Variants in ABHD17A observed in about 807,000 individuals in gnomAD.
ABHD17A encodes the protein abhydrolase domain containing 17A, depalmitoylase.
ABHD17A carries 10 observed loss-of-function variants against 26.8 expected under a neutral mutation model. The ratio of observed to expected loss-of-function variants is 0.37; its 90% CI spans 0.23 to 0.63. The LOEUF is 0.63. ABHD17A is among the 30% of genes least tolerant of loss of function. The pLI is 0.61. For synonymous variants in ABHD17A, 167 were observed against 210.9 expected (o/e 0.79, Z 1.80); for missense variants, 292 against 457.3 (o/e 0.64, Z 3.30).
Position 1,880,825 on chromosome 19 carries a change from C to T in ABHD17A, c.332+410G>A. On this transcript the variant is annotated intron_variant, in intron 2 of 4. Coordinates refer to ENST00000292577, the MANE Select transcript of ABHD17A (RefSeq NM_001130111.2). The surrounding 1 kb of genome is among the most constrained non-coding windows in gnomAD (Gnocchi z 4.1). ...CCATGGACTGCTTCCTCCAGTTCCC[C>T]CAGGCCCCCACCTAGCCCAGCCAGA... is the stretch of plus-strand genomic sequence containing the variant. 1 of 1,587,706 alleles carries T rather than the reference C, an allele frequency of 6.3e-7. No homozygotes were observed.
intron 1 of ABHD17A, among the ~76,000 whole-genome samples, chr19:1,884,738 T>C (rs2012629726): frequency 6.6e-6 from 1 of 151,618 alleles, no homozygotes; most frequent in Non-Finnish European, 1.5e-5. Context: ...GAGGAAGAAG[T>C]GAGCAGAAGG....
In ABHD17A at chr19:1,880,785, GC is replaced by G; in HGVS notation, c.332+449del. 1 of 1,476,184 alleles carries G rather than the reference GC, an allele frequency of 6.8e-7. No individual in the cohort carries two copies. The highest frequency in any genetic ancestry group is 9.1e-7 in the Non-Finnish European group (1 of 1,092,904). The allele number at this position is 1,476,184 out of a possible 1,614,324, so 91.4% of individuals were successfully genotyped here. ...CCCCAGGTGGTGCCAGGAGCAGGTG[GC>G]CAGGCTGGCCCTGCCATGGACTGCT... On this transcript the variant is annotated intron_variant, in intron 2 of 4. Coordinates refer to ENST00000292577, the MANE Select transcript of ABHD17A (RefSeq NM_001130111.2). The surrounding 1 kb of genome is among the most constrained non-coding windows in gnomAD (Gnocchi z 4.1).
rs1457202561 is a variant in ABHD17A at position 1,881,445 on chromosome 19, G to A, written c.122C>T (p.Pro41Leu). The A allele has an allele frequency of 1.9e-6, 3 of 1,602,834 alleles. No individual in the cohort carries two copies. The highest frequency in any genetic ancestry group is 2.5e-6 in the Non-Finnish European group (3 of 1,178,336). Residue 41 changes from proline (P) to leucine (L), a missense_variant, in exon 2 of 5, where the codon CCC becomes CTC. By Grantham distance (98) the Pro-to-Leu change is moderately conservative. Coordinates refer to ENST00000292577, the MANE Select transcript of ABHD17A (RefSeq NM_001130111.2). ...PEATYSLVPE[P>L]EPGPGGAGAA... ...CCCGGCCCCACCAGGCCCCGGCTCG[G>A]GCTCAGGCACCAGGGAGTAGGTGGC...
At position 1,877,180 on chromosome 19, in the gene ABHD17A, C is replaced by G. The variant is rs771040886; in HGVS notation, c.*20G>C. 6 of 1,411,396 alleles carry G rather than the reference C, an allele frequency of 4.3e-6. No individual in the cohort carries two copies. The highest frequency in any genetic ancestry group is 2.4e-5 in the East Asian group (1 of 41,212). 87.4% of individuals were successfully genotyped at this position (1,411,396 alleles called of 1,614,324 possible). The stretch of plus-strand genomic sequence containing the variant: ...CCGGGGGCCGCCTTATTGCTGAGGT[C>G]CGGCCGGTTGGGGCCGCCGCTAGGC... On this transcript the variant is annotated 3_prime_UTR_variant, in exon 5 of 5. Transcript: ENST00000292577.
At position 1,877,375 on chromosome 19, in the gene ABHD17A, G is replaced by A. The variant is rs747578605; in HGVS notation, c.758C>T (p.Thr253Met). The change falls in exon 5 of 5, where the codon ACG (threonine) becomes ATG (methionine). Residue 253 changes from threonine to methionine, a missense_variant. Thr to Met is a moderately conservative substitution (Grantham distance 81). Transcript: ENST00000292577. ...ITSPVLIIHG[T>M]EDEVIDFSHG... ...CGAGAAGTCGATCACCTCGTCCTCC[G>A]TGCCGTGGATGATGAGCACGGGAGA... The A allele has an allele frequency of 6.4e-7, 1 of 1,556,780 alleles. No homozygotes were observed. The highest frequency in any genetic ancestry group is 2.3e-5 in the East Asian group (1 of 43,176).
Position 1,877,722 on chromosome 19 carries a change from C to T in ABHD17A, c.528-35G>A, listed in dbSNP as rs370322839. 1.6e-3 allele frequency: 2,557 copies of T among 1,582,564 alleles called. 7 individuals are homozygous for T. The African/African-American group carries it at 0.031, about 19-fold the overall frequency. On this transcript the variant is annotated intron_variant, in intron 3 of 4. Transcript: ENST00000292577. ...CCGGAGCAGGGTCAGCCGCGGCCTCCGACGCGCGCGCACCCTTCCCACCAG... is the reference window on the plus strand; with the variant it reads ...CCGGAGCAGGGTCAGCCGCGGCCTCTGACGCGCGCGCACCCTTCCCACCAG...
In ABHD17A at chr19:1,876,880, G is replaced by A; in HGVS notation, c.*320C>T. 1 of 408,148 alleles carries A rather than the reference G, an allele frequency of 2.5e-6. No individual in the cohort carries two copies. The highest frequency in any genetic ancestry group is 7.5e-4 in the Middle Eastern group (1 of 1,328). The allele number at this position is 408,148 out of a possible 1,614,324, so 25.3% of individuals were successfully genotyped here. A position where few individuals can be genotyped will look rare whatever the true frequency, so the allele number is the denominator to read the frequency against. On this transcript the variant is annotated 3_prime_UTR_variant, in exon 5 of 5. Coordinates refer to ENST00000292577, the MANE Select transcript of ABHD17A (RefSeq NM_001130111.2). ...GGGGGTCCGTGCCGATCTCTCCTAG[G>A]GACTCAGGGACGAAACCTGGGAACC...
Position 1,881,598 on chromosome 19 carries a change from G to A in ABHD17A, c.-32C>T, listed in dbSNP as rs1312570614. On this transcript the variant is annotated 5_prime_UTR_variant, in exon 2 of 5. Transcript: ENST00000292577. The stretch of plus-strand genomic sequence containing the variant: ...CGCCGCCCAGGCCGGGCCTCCACCG[G>A]GGCCCCCGCCAACAACGCCGCCCGG... 1 of 1,518,294 alleles carries A rather than the reference G, an allele frequency of 6.6e-7. No individual in the cohort carries two copies. Among genetic ancestry groups the A allele is most frequent in the Non-Finnish European group, 8.7e-7 (1 of 1,142,878 alleles). The allele number at this position is 1,518,294 out of a possible 1,614,324, so 94.1% of individuals were successfully genotyped here.
Position 1,876,935 on chromosome 19 carries a change from CGA to C in ABHD17A, c.*263_*264del, listed in dbSNP as rs113128073. On this transcript the variant is annotated 3_prime_UTR_variant, in exon 5 of 5. Transcript: ENST00000292577. ...CCCCCTTTCGAGCTCGCTGAGCGCT[CGA>C]GAGAGTGAGCAGAGCCATGAAAGGA... 7 of 500,616 alleles carry C rather than the reference CGA, an allele frequency of 1.4e-5. No individual in the cohort carries two copies. Among genetic ancestry groups the C allele is most frequent in the South Asian group, 2.1e-5 (1 of 46,710 alleles). The allele number at this position is 500,616 out of a possible 1,614,324, so 31.0% of individuals were successfully genotyped here.
intron 2 of ABHD17A, 97 bp downstream of exon 2, chr19:1,881,138 C>T (rs1274897797): frequency 6.4e-7 from 1 of 1,561,870 alleles, no homozygotes; most frequent in East Asian, 2.3e-5. Flanking sequence ...CAGGCTCGGG[C>T]CCTCGGGGGC....
chr19:1,880,159 G>A lies in ABHD17A; in HGVS notation c.333-44C>T, dbSNP rs528105267. 20 of 1,602,998 alleles carry A rather than the reference G, an allele frequency of 1.2e-5. 1 individual carries two copies. Among genetic ancestry groups the A allele is most frequent in the Admixed American group, 6.7e-5 (4 of 59,262 alleles). ...GGCCGTTCACATCCTCGCTCCCAGC[G>A]CCCAGCTGCAGGGCAGGAGGATGCG... On this transcript the variant is annotated intron_variant, in intron 2 of 4. Coordinates refer to ENST00000292577, the MANE Select transcript of ABHD17A (RefSeq NM_001130111.2). The surrounding 1 kb of genome is among the most constrained non-coding windows in gnomAD (Gnocchi z 4.1).
At position 1,877,157 on chromosome 19, in the gene ABHD17A, G is replaced by C. The variant is rs1157560113; in HGVS notation, c.*43C>G. 1.4e-6 allele frequency: 2 copies of C among 1,425,284 alleles called. No homozygotes were observed. The highest frequency in any genetic ancestry group is 2.4e-5 in the East Asian group (1 of 41,320). 88.3% of individuals were successfully genotyped at this position (1,425,284 alleles called of 1,614,324 possible). A position where few individuals can be genotyped will look rare whatever the true frequency, so the allele number is the denominator to read the frequency against. On this transcript the variant is annotated 3_prime_UTR_variant, in exon 5 of 5. Coordinates refer to ENST00000292577, the MANE Select transcript of ABHD17A (RefSeq NM_001130111.2). ...TGGGGGCCGGCGCGGGGTGAGGTCC[G>C]GGGGCCGCCTTATTGCTGAGGTCCG...
rs1170209450 is a variant in ABHD17A, at chr19:1,879,433, G to C, written c.527+488C>G. On this transcript the variant is annotated intron_variant, in intron 3 of 4. Transcript: ENST00000292577. The surrounding 1 kb of genome is among the most constrained non-coding windows in gnomAD (Gnocchi z 7.6). ...GCCCAGACCTCGGATGTGTGCTGCG[G>C]GTCTGCACCTTACCCTGTAGGCCCT... 1.4e-4 allele frequency: 29 copies of C among 214,336 alleles called. No individual in the cohort carries two copies. Among genetic ancestry groups the C allele is most frequent in the Non-Finnish European group, 2.2e-4 (23 of 104,890 alleles). 13.3% of individuals were successfully genotyped at this position (214,336 alleles called of 1,614,324 possible). A position where few individuals can be genotyped will look rare whatever the true frequency, so the allele number is the denominator to read the frequency against.
Position 1,880,759 on chromosome 19 carries a change from G to A in ABHD17A, c.332+476C>T, listed in dbSNP as rs1414673732. 2 of 1,294,352 alleles carry A rather than the reference G, an allele frequency of 1.5e-6. No homozygotes were observed. The highest frequency in any genetic ancestry group is 2.1e-6 in the Non-Finnish European group (2 of 942,520). 80.2% of individuals were successfully genotyped at this position (1,294,352 alleles called of 1,614,324 possible). On this transcript the variant is annotated intron_variant, in intron 2 of 4. Coordinates refer to ENST00000292577, the MANE Select transcript of ABHD17A (RefSeq NM_001130111.2). The surrounding 1 kb of genome is among the most constrained non-coding windows in gnomAD (Gnocchi z 4.1). ...CTGTCTGCTTCCCAGCACGGGAGCT[G>A]CCCCAGGTGGTGCCAGGAGCAGGTG...
chr19:1,880,242 A>G lies in ABHD17A; in HGVS notation c.333-127T>C. The G allele has an allele frequency of 4.2e-6, 4 of 959,548 alleles. No individual in the cohort carries two copies. Among genetic ancestry groups the G allele is most frequent in the Non-Finnish European group, 6.3e-6 (4 of 635,634 alleles). The allele number at this position is 959,548 out of a possible 1,614,324, so 59.4% of individuals were successfully genotyped here. On this transcript the variant is annotated intron_variant, in intron 2 of 4. Transcript: ENST00000292577. This position sits in a 1 kb window ranked among gnomAD's most constrained non-coding sequence, Gnocchi z 4.1. ...CCAGTGCCTCATTTACTCCCCTCCC[A>G]AGGGGGCCAGAAGCCAGTGAATGGA...
At position 1,880,445 on chromosome 19, in the gene ABHD17A, C is replaced by T. The variant is rs1239005930; in HGVS notation, c.333-330G>A. Among the ~76,000 whole-genome samples, 3 of 152,208 alleles carry T rather than the reference C, an allele frequency of 2.0e-5. No individual in the cohort carries two copies. The highest frequency in any genetic ancestry group is 3.2e-3 in the Middle Eastern group (1 of 316). On this transcript the variant is annotated intron_variant, in intron 2 of 4. Transcript: ENST00000292577. This position sits in a 1 kb window ranked among gnomAD's most constrained non-coding sequence, Gnocchi z 4.1. Reference sequence around the variant, plus strand: ...GTCGCATCCTCTCTCAGGGCAGACTCGCAGTGTGTGCTCAGATACTGCAGG... The same window carrying T: ...GTCGCATCCTCTCTCAGGGCAGACTTGCAGTGTGTGCTCAGATACTGCAGG...
chr19:1,878,726 G>C (rs1325421432), intron 3 of ABHD17A: 1 of 152,466 alleles, frequency 6.6e-6, no homozygotes, highest in African/African-American at 2.4e-5. Context: ...CGGCCTCCCT[G>C]GCCTGCTCCC....
chr19:1,877,579 C>T lies in ABHD17A; in HGVS notation c.636G>A (p.Ser212=). ...CGACGCGCATGCCCGAGGTGAGCGG[C>T]GAGTGCAGCACCACCGCGGCACACT... The part of the protein sequence containing the change: ...RYECAAVVLH[S]PLTSGMRVAF... The change falls in exon 4 of 5, where the codon TCG becomes TCA. Residue 212 remains serine (S), a synonymous_variant. Coordinates refer to ENST00000292577, the MANE Select transcript of ABHD17A (RefSeq NM_001130111.2). 1.9e-6 allele frequency: 3 copies of T among 1,595,242 alleles called. No homozygotes were observed. The highest frequency in any genetic ancestry group is 1.7e-5 in the Admixed American group (1 of 59,914).
intron 2 of ABHD17A, 152 bp downstream of exon 2, chr19:1,881,083 C>A: frequency 6.3e-7 from 1 of 1,583,624 alleles, no homozygotes; most frequent in South Asian, 1.1e-5. Context: ...ACGAGGCCGG[C>A]CTGACGGGGG....
Sources: allele counts gnomAD v4.1 joint callset (sites outside exome capture counted in the v4.1 genomes callset), GRCh38; gene constraint gnomAD v4.1.1; non-coding constraint Gnocchi (gnomAD v3.1); transcripts MANE v1.5; gene names NCBI Gene and HGNC (gene_info 2026-07-23, HGNC 2026-07-21).